WDPCP: variants seen among roughly 807,000 people sequenced by gnomAD.
WDPCP encodes WD repeat-containing and planar cell polarity effector protein fritz homolog.
WDPCP carries 71 observed loss-of-function variants against 93.1 expected under a neutral mutation model. The observed-to-expected ratio is 0.76, with a 90% CI of 0.63 to 0.93. WDPCP has a LOEUF of 0.93. Ranked by LOEUF, WDPCP falls within the 40% of genes least tolerant of loss-of-function variation. WDPCP has a pLI of 0.00. For synonymous variants in WDPCP, 315 were observed against 315.0 expected (o/e 1.00, Z 0.00); for missense variants, 844 against 887.4 (o/e 0.95, Z 0.62).
At chr2:63,417,592 T>G (rs1296121881) in intron 9 of WDPCP, among the ~76,000 whole-genome samples, 1 of 151,432 alleles carries the variant, frequency 6.6e-6, no homozygotes, top group Non-Finnish European at 1.5e-5. Context: ...TGTACTATAA[T>G]AAACAAGAAA....
rs1472823196 is a variant in WDPCP, at chr2:63,433,944, T to C, written c.634-8A>G. 1 of 1,612,804 alleles carries C rather than the reference T, an allele frequency of 6.2e-7. No homozygotes were observed. The highest frequency in any genetic ancestry group is 1.1e-5 in the South Asian group (1 of 90,862). Reference sequence around the variant, plus strand: ...TATTTCATAATAGAAAATCTAACAATTTTAAAAAAGCATACATGAAACATT... The same window carrying C: ...TATTTCATAATAGAAAATCTAACAACTTTAAAAAAGCATACATGAAACATT... On this transcript the variant is annotated splice_region_variant and splice_polypyrimidine_tract_variant and intron_variant, in intron 8 of 17. Coordinates refer to ENST00000272321, the MANE Select transcript of WDPCP (RefSeq NM_015910.7).
At chr2:63,490,188 G>A (rs1197911413) in intron 2 of WDPCP, among the ~76,000 whole-genome samples, 3 of 151,022 alleles carry the variant, frequency 2.0e-5, no homozygotes, top group South Asian at 4.2e-4. Flanking sequence ...ATGTTACTGT[G>A]AACAAAAATC....
intron 6 of WDPCP, among the ~76,000 whole-genome samples, chr2:63,472,674 C>T (rs192639620): frequency 6.2e-4 from 94 of 152,182 alleles, no homozygotes; most frequent in East Asian, 5.2e-3. Flanking sequence ...CTGCAACCTT[C>T]GCCTCCTCCC....
chr2:63,529,932 GTGTA>G (rs1703693693), intron 1 of WDPCP, among the ~76,000 whole-genome samples: 1 of 152,116 alleles, frequency 6.6e-6, no homozygotes, highest in Admixed American at 6.5e-5. Flanking sequence ...TCTTGGGAGG[GTGTA>G]TGTGTCTAGG....
chr2:63,325,095 G>A (rs1335157325), intron 12 of WDPCP, among the ~76,000 whole-genome samples: 3 of 152,064 alleles, frequency 2.0e-5, no homozygotes, highest in Non-Finnish European at 2.9e-5. Flanking sequence ...TGGCAACCTC[G>A]GGGTTCTATA....
At chr2:63,616,558 A>G (rs529136893) in intron 3 of WDPCP, among the ~76,000 whole-genome samples, 7 of 152,360 alleles carry the variant, frequency 4.6e-5, no homozygotes, top group African/African-American at 1.7e-4. Flanking sequence ...AATAAGAAAT[A>G]TAAAACAAAA....
intron 6 of WDPCP, chr2:63,440,319 A>G: frequency 6.5e-6 from 1 of 153,406 alleles, no homozygotes; most frequent in Admixed American, 6.5e-5. Flanking sequence ...ATAAACAGCT[A>G]ATGTTATGCA....
intron 3 of WDPCP, among the ~76,000 whole-genome samples, chr2:63,627,977 A>T (rs1319488625): frequency 1.3e-5 from 2 of 152,164 alleles, no homozygotes; most frequent in Non-Finnish European, 2.9e-5. Context: ...CGGCAAAACT[A>T]AAAGAGCGCA....
At chr2:63,808,463 T>A (rs1043828521) in intron 2 of WDPCP, among the ~76,000 whole-genome samples, 2 of 151,962 alleles carry the variant, frequency 1.3e-5, no homozygotes, top group African/African-American at 4.8e-5. Flanking sequence ...TGCCTCAGCC[T>A]GCCGAATGCC....
At chr2:63,706,260 C>G (rs1459712664) in intron 2 of WDPCP, among the ~76,000 whole-genome samples, 1 of 152,204 alleles carries the variant, frequency 6.6e-6, no homozygotes, top group Non-Finnish European at 1.5e-5. Context: ...ATTTGCCAGT[C>G]TGTGCCTTTT....
intron 1 of WDPCP, among the ~76,000 whole-genome samples, chr2:63,536,864 C>G (rs1317041059): frequency 6.7e-6 from 1 of 149,930 alleles, no homozygotes; most frequent in Non-Finnish European, 1.5e-5. Flanking sequence ...CTCCCAAGTT[C>G]AAATGATTCT....
At chr2:63,441,220 C>T (rs1312595326) in intron 6 of WDPCP, 1 of 151,972 alleles carries the variant, frequency 6.6e-6, no homozygotes, top group Non-Finnish European at 1.5e-5. Context: ...ATTTAAAATG[C>T]TTCACAACTT....
intron 12 of WDPCP, among the ~76,000 whole-genome samples, chr2:63,345,797 C>T (rs367658247): frequency 6.6e-6 from 1 of 152,164 alleles, no homozygotes; most frequent in Admixed American, 6.5e-5. Flanking sequence ...CAGCACTCCA[C>T]TGTACTAGAA....
chr2:63,129,688 A>G (rs1330756040), intron 17 of WDPCP, among the ~76,000 whole-genome samples: 5 of 152,120 alleles, frequency 3.3e-5, no homozygotes, highest in Non-Finnish European at 7.4e-5. Context: ...CACTTATTAT[A>G]TATGTGATTT....
intron 14 of WDPCP, chr2:63,232,948 G>T: frequency 5.4e-6 from 1 of 184,542 alleles, no homozygotes; most frequent in Non-Finnish European, 1.1e-5. Flanking sequence ...GGAGAAGGAA[G>T]CAAGGAGGAA....
intron 1 of WDPCP, among the ~76,000 whole-genome samples, chr2:63,507,751 G>A (rs1701973198): frequency 6.6e-6 from 1 of 151,978 alleles, no homozygotes; most frequent in Non-Finnish European, 1.5e-5. Flanking sequence ...TGACCTGATG[G>A]AGCTGAAAAA....
At chr2:63,247,674 G>GAAA (rs77431217) in intron 14 of WDPCP, among the ~76,000 whole-genome samples, 2 of 116,134 alleles carry the variant, frequency 1.7e-5, no homozygotes, top group Non-Finnish European at 3.6e-5. Flanking sequence ...TTCCAAAATT[G>GAAA]AAAAAAAAAA....
At chr2:63,484,842 G>GA in intron 5 of WDPCP, 75 bp downstream of exon 5, 1 of 1,547,966 alleles carries the variant, frequency 6.5e-7, no homozygotes, top group Non-Finnish European at 8.8e-7. Context: ...GATCCTTTAT[G>GA]AAAATTAAAG....
At chr2:63,600,819 G>T (rs888849285) in intron 3 of WDPCP, among the ~76,000 whole-genome samples, 1 of 152,076 alleles carries the variant, frequency 6.6e-6, no homozygotes, top group Non-Finnish European at 1.5e-5. Flanking sequence ...GAGTTCTGTG[G>T]GACAGTTGTA....
Sources: gnomAD v4.1 joint callset for allele counts (sites outside exome capture counted in the v4.1 genomes callset) on GRCh38, gnomAD v4.1.1 for gene constraint, MANE v1.5 for transcripts, NCBI Gene and HGNC (gene_info 2026-07-23, HGNC 2026-07-21) for gene names.